CACNG6: variants seen among roughly 807,000 people sequenced by gnomAD.
CACNG6 encodes calcium voltage-gated channel auxiliary subunit gamma 6.
Under a neutral mutation model 23.9 loss-of-function variants are expected in CACNG6, and 21 were observed. The observed-to-expected ratio is 0.88, with a 90% CI of 0.62 to 1.26. The LOEUF (loss-of-function observed/expected upper bound fraction) is 1.26, where lower values mean the gene tolerates loss of function less well. CACNG6 is among the 50% of genes most tolerant of loss of function. The pLI is 0.00. For synonymous variants in CACNG6, 182 were observed against 168.9 expected (o/e 1.08, Z -0.60); for missense variants, 340 against 352.9 (o/e 0.96, Z 0.29).
intron 1 of CACNG6, among the ~76,000 whole-genome samples, chr19:53,995,808 T>C (rs1481131317): frequency 2.0e-5 from 3 of 152,194 alleles, no homozygotes; most frequent in Admixed American, 2.0e-4. Context: ...ATTACAGGCA[T>C]GCACCACAAC....
intron 1 of CACNG6, among the ~76,000 whole-genome samples, chr19:53,994,026 G>A (rs1271963908): frequency 6.6e-6 from 1 of 151,944 alleles, no homozygotes; most frequent in African/African-American, 2.4e-5. Context: ...CTCTGGAAGT[G>A]CCTGTGCCCT....
chr19:53,991,329 G>C (rs2069455961), upstream of CACNG6, among the ~76,000 whole-genome samples: 2 of 151,914 alleles, frequency 1.3e-5, no homozygotes, highest in South Asian at 4.2e-4. Context: ...CCTCCTCCCT[G>C]GTAACCCCAG....
intron 3 of CACNG6, among the ~76,000 whole-genome samples, chr19:54,007,216 C>T (rs148342750): frequency 6.6e-6 from 1 of 151,962 alleles, no homozygotes; most frequent in African/African-American, 2.4e-5. Flanking sequence ...GCCTGGCTAA[C>T]TTTTGTATTT....
intron 3 of CACNG6, among the ~76,000 whole-genome samples, chr19:54,008,078 G>T (rs1210035077): frequency 1.3e-5 from 2 of 152,120 alleles, no homozygotes; most frequent in East Asian, 1.9e-4. Flanking sequence ...ACAGTGAATG[G>T]CTGGGCACGG....
intron 3 of CACNG6, 83 bp from the exon 4 acceptor site, chr19:54,011,868 G>C: frequency 1.0e-6 from 1 of 973,012 alleles, no homozygotes; most frequent in Admixed American, 3.0e-5. Context: ...GGGTGGGCGG[G>C]AGGGCTGGGA....
Position 53,998,309 on chromosome 19 carries a change from G to A in CACNG6, c.402G>A (p.Lys134=). ...ENARIFQRTT[K]KEVNLAAAVI... is the part of the protein sequence containing the mutation. ...CACGCATCTTTCAGAGAACCACAAA[G>A]AAAGGTGAGAACTTTTCACCCCCTG... The change falls in exon 2 of 4, where the codon AAG becomes AAA. Residue 134 remains lysine (K), a synonymous_variant. Transcript: ENST00000252729. The A allele has an allele frequency of 6.2e-7, 1 of 1,613,836 alleles. No homozygotes were observed. Among genetic ancestry groups the A allele is most frequent in the Non-Finnish European group, 8.5e-7 (1 of 1,179,862 alleles).
At chr19:54,008,773 C>A (rs2069673659) in intron 3 of CACNG6, among the ~76,000 whole-genome samples, 1 of 152,222 alleles carries the variant, frequency 6.6e-6, no homozygotes, top group Non-Finnish European at 1.5e-5. Flanking sequence ...AGTCCCTGCT[C>A]CACCCCTGGG....
intron 2 of CACNG6, 110 bp downstream of exon 2, chr19:53,998,423 C>T (rs1020136883): frequency 1.2e-5 from 11 of 906,356 alleles, no homozygotes; most frequent in African/African-American, 5.0e-5. Flanking sequence ...GGGCAGGTCT[C>T]GTGTCTATAA....
intron 3 of CACNG6, among the ~76,000 whole-genome samples, chr19:54,003,235 G>A (rs961127565): frequency 6.6e-6 from 1 of 152,140 alleles, no homozygotes; most frequent in South Asian, 2.1e-4. Flanking sequence ...CAGCATAAAG[G>A]TCTTCAAGCC....
chr19:53,998,067 G>A (rs956329514), intron 1 of CACNG6, among the ~76,000 whole-genome samples, 172 bp from the exon 2 acceptor site: 9 of 152,106 alleles, frequency 5.9e-5, no homozygotes, highest in Non-Finnish European at 1.3e-4. Flanking sequence ...CTCCTAGATG[G>A]CAGTGTGGTC....
chr19:54,008,498 C>T (rs1259513224), intron 3 of CACNG6, among the ~76,000 whole-genome samples: 1 of 152,172 alleles, frequency 6.6e-6, no homozygotes, highest in Non-Finnish European at 1.5e-5. Flanking sequence ...ATGACTCATG[C>T]GTGACTCTCA....
chr19:54,012,326 C>T lies in CACNG6; in HGVS notation c.*137C>T, dbSNP rs79135916. On this transcript the variant is annotated 3_prime_UTR_variant, in exon 4 of 4. Coordinates refer to ENST00000252729, the MANE Select transcript of CACNG6 (RefSeq NM_145814.2). ...GGGCCCATGTTTTTTTACACGCCTG[C>T]CTCCTGTCCCCTTATCCTTTCTCCC... The T allele has an allele frequency of 0.028, 13,525 of 475,822 alleles. 261 individuals are homozygous for T. The highest frequency in any genetic ancestry group is 0.039 in the Non-Finnish European group (10,476 of 266,910). The allele number at this position is 475,822 out of a possible 1,614,324, so 29.5% of individuals were successfully genotyped here. A position where few individuals can be genotyped will look rare whatever the true frequency, so the allele number is the denominator to read the frequency against.
In CACNG6 at chr19:54,007,143, G is replaced by C. The variant is rs138009231; in HGVS notation, c.545-4808G>C. 2.4e-3 allele frequency among the ~76,000 whole-genome samples: 368 copies of C among 152,194 alleles called. 1 individual carries two copies. Among genetic ancestry groups the C allele is most frequent in the African/African-American group, 8.4e-3 (350 of 41,526 alleles). ...AGCTCACTGCAGCCTCTGCCTGCAG[G>C]ATTCAAGCGATTCTCATGCCTCAGC... On this transcript the variant is annotated intron_variant, in intron 3 of 3. Coordinates refer to ENST00000252729, the MANE Select transcript of CACNG6 (RefSeq NM_145814.2).
At chr19:54,002,205 C>A (rs906788642) in intron 3 of CACNG6, among the ~76,000 whole-genome samples, 1 of 151,864 alleles carries the variant, frequency 6.6e-6, no homozygotes, top group Admixed American at 6.6e-5. Flanking sequence ...GTCCTCCCTA[C>A]CTTTCAGCCT....
At chr19:54,011,128 G>A in intron 3 of CACNG6, among the ~76,000 whole-genome samples, 1 of 147,406 alleles carries the variant, frequency 6.8e-6, no homozygotes, top group Admixed American at 7.0e-5. Context: ...CGAGGTGGGT[G>A]GACCACTTGA....
chr19:53,996,863 AT>A (rs35192974), intron 1 of CACNG6, among the ~76,000 whole-genome samples: 13,033 of 98,426 alleles, frequency 0.13, 245 homozygotes, highest in East Asian at 0.19. Flanking sequence ...GATCTTTGGG[AT>A]TTTTTTTTTT....
Position 53,998,883 on chromosome 19 carries a change from C to T in CACNG6, c.406+570C>T, listed in dbSNP as rs114498914. Among the ~76,000 whole-genome samples the T allele has an allele frequency of 7.0e-3, 1,060 of 152,260 alleles. 15 individuals are homozygous for T. Among genetic ancestry groups the T allele is most frequent in the African/African-American group, 0.024 (1,013 of 41,558 alleles). The stretch of plus-strand genomic sequence containing the variant: ...ACCCCGGGCAAGTCGCAGCCCCTCT[C>T]TGTGGGTAGCACTTGGACATCTCAC... On this transcript the variant is annotated intron_variant, in intron 2 of 3. Transcript: ENST00000252729.
At position 54,012,582 on chromosome 19, in the gene CACNG6, T is replaced by G. The variant is rs1325637416; in HGVS notation, c.*393T>G. ...CGGGAGAGACTTTTTACAACTCATCTGCAGCTCCGGGTGCGGTTGGGGGAG... is the reference window on the plus strand; with the variant it reads ...CGGGAGAGACTTTTTACAACTCATCGGCAGCTCCGGGTGCGGTTGGGGGAG... On this transcript the variant is annotated 3_prime_UTR_variant, in exon 4 of 4. Transcript: ENST00000252729. 1 of 168,738 alleles carries G rather than the reference T, an allele frequency of 5.9e-6. No homozygotes were observed. Among genetic ancestry groups the G allele is most frequent in the African/African-American group, 2.4e-5 (1 of 42,096 alleles). 10.5% of individuals were successfully genotyped at this position (168,738 alleles called of 1,614,324 possible). A position where few individuals can be genotyped will look rare whatever the true frequency, so the allele number is the denominator to read the frequency against.
At chr19:53,997,907 A>G (rs2069536120) in intron 1 of CACNG6, among the ~76,000 whole-genome samples, 1 of 152,070 alleles carries the variant, frequency 6.6e-6, no homozygotes, top group Non-Finnish European at 1.5e-5. Context: ...TCCATATGTA[A>G]TCCCACTTGA....
Sources: gnomAD v4.1 joint callset for allele counts (sites outside exome capture counted in the v4.1 genomes callset) on GRCh38, gnomAD v4.1.1 for gene constraint, MANE v1.5 for transcripts, NCBI Gene and HGNC (gene_info 2026-07-23, HGNC 2026-07-21) for gene names.